The following ANKS1B variants were observed in gnomAD, a reference collection of about 807,000 sequenced individuals.
ANKS1B encodes the protein ankyrin repeat and sterile alpha motif domain containing 1B.
ANKS1B carries 36 observed loss-of-function variants against 148.3 expected under a neutral mutation model. That is an observed-to-expected ratio of 0.24 (90% CI 0.19 to 0.32). The LOEUF is 0.32. ANKS1B is among the 10% of genes least tolerant of loss of function. The pLI is 1.00. For synonymous variants in ANKS1B, 542 were observed against 560.8 expected (o/e 0.97, Z 0.47); for missense variants, 1,157 against 1,542.6 (o/e 0.75, Z 4.19).
intron 14 of ANKS1B, among the ~76,000 whole-genome samples, chr12:99,165,376 A>G (rs528996561): frequency 3.0e-4 from 45 of 152,044 alleles, no homozygotes; most frequent in Admixed American, 1.5e-3. Context: ...GTAAATCTCT[A>G]TTCAGGCTGA....
At chr12:99,217,981 A>G (rs1010595835) in intron 14 of ANKS1B, among the ~76,000 whole-genome samples, 1 of 152,156 alleles carries the variant, frequency 6.6e-6, no homozygotes, top group Admixed American at 6.6e-5. Context: ...TCTAAGCCCA[A>G]TGTTAAGACA....
At chr12:99,774,991 G>C (rs1161184468) in intron 7 of ANKS1B, among the ~76,000 whole-genome samples, 39 of 152,014 alleles carry the variant, frequency 2.6e-4, no homozygotes, top group Admixed American at 2.6e-3. Flanking sequence ...GCCAGGGGCT[G>C]GGGAGTGGAG....
chr12:98,786,843 A>C (rs1398564645), intron 22 of ANKS1B, among the ~76,000 whole-genome samples: 2 of 152,176 alleles, frequency 1.3e-5, no homozygotes, highest in African/African-American at 4.8e-5. Context: ...CCAACCCTTC[A>C]TTCTTACAAT....
intron 1 of ANKS1B, among the ~76,000 whole-genome samples, chr12:99,879,074 C>T (rs1233641471): frequency 6.6e-6 from 1 of 152,102 alleles, no homozygotes; most frequent in Non-Finnish European, 1.5e-5. Context: ...CTAGAAGCTG[C>T]GTGCATGTGG....
rs145660499 is a variant in ANKS1B, at chr12:98,833,967, C to T, written c.2779-1831G>A. Among the ~76,000 whole-genome samples the T allele has an allele frequency of 2.1e-4, 32 of 152,246 alleles. No individual in the cohort carries two copies. The East Asian group carries it at 2.3e-3, about 11-fold the overall frequency. Reference sequence around the variant, plus strand: ...CTGTGTAGTATTTCATCTACCTTGACTTTTTATTTGCCTATTTGTTGGTTA... The same window carrying T: ...CTGTGTAGTATTTCATCTACCTTGATTTTTTATTTGCCTATTTGTTGGTTA... On this transcript the variant is annotated intron_variant, in intron 17 of 26. Transcript: ENST00000683438.
rs2073923137 is a variant in ANKS1B at position 99,246,809 on chromosome 12, T to C, written c.1812A>G (p.Gln604=). The C allele has an allele frequency of 6.2e-7, 1 of 1,610,688 alleles. No homozygotes were observed. The highest frequency in any genetic ancestry group is 8.5e-7 in the Non-Finnish European group (1 of 1,179,190). The change falls in exon 13 of 27, where the codon CAA becomes CAG. Residue 604 remains glutamine, a synonymous_variant. Coordinates refer to ENST00000683438, the MANE Select transcript of ANKS1B (RefSeq NM_001352186.2). ...AGGATCCATGGAGCAGGCCTGCAAA[T>C]TGCCCAGGATCATATTCTTTTGGGG... The part of the protein sequence containing the change: ...NDPPKEYDPG[Q]FAGLLHGSSP...
chr12:99,029,631 T>C (rs2153457960), intron 17 of ANKS1B, among the ~76,000 whole-genome samples: 1 of 152,336 alleles, frequency 6.6e-6, no homozygotes, highest in Non-Finnish European at 1.5e-5. Flanking sequence ...CACAGGAAAC[T>C]AACAATGCAT....
chr12:99,261,415 G>A (rs1401918630), intron 12 of ANKS1B, among the ~76,000 whole-genome samples: 1 of 152,076 alleles, frequency 6.6e-6, no homozygotes, highest in Non-Finnish European at 1.5e-5. Flanking sequence ...TCCAGGGCTT[G>A]GCATACTGGG....
chr12:99,309,343 T>C (rs1602676863), intron 12 of ANKS1B, among the ~76,000 whole-genome samples: 2 of 152,034 alleles, frequency 1.3e-5, no homozygotes, highest in East Asian at 3.8e-4. Context: ...TATCTTAAGC[T>C]CCTACTGAGT....
intron 9 of ANKS1B, among the ~76,000 whole-genome samples, chr12:99,624,673 G>A (rs2098091502): frequency 6.6e-6 from 1 of 152,044 alleles, no homozygotes; most frequent in African/African-American, 2.4e-5. Flanking sequence ...AATCATCAGA[G>A]AAATGCAAAT....
intron 15 of ANKS1B, among the ~76,000 whole-genome samples, chr12:99,124,069 G>A (rs1012042293): frequency 6.6e-6 from 1 of 152,172 alleles, no homozygotes; most frequent in Admixed American, 6.5e-5. Context: ...TTTATTCTGA[G>A]TGAGACAGGA....
At chr12:99,424,791 G>C (rs1228023179) in intron 11 of ANKS1B, among the ~76,000 whole-genome samples, 2 of 151,828 alleles carry the variant, frequency 1.3e-5, no homozygotes, top group Non-Finnish European at 2.9e-5. Flanking sequence ...AATCCTTGTG[G>C]ATGAACCATA....
intron 4 of ANKS1B, among the ~76,000 whole-genome samples, chr12:99,795,118 T>C (rs922212193): frequency 7.2e-5 from 11 of 151,846 alleles, no homozygotes; most frequent in South Asian, 2.1e-4. Context: ...AGGAAGAAGA[T>C]AGAGGTAAAT....
At chr12:99,169,150 C>G (rs1401904134) in intron 14 of ANKS1B, among the ~76,000 whole-genome samples, 2 of 152,098 alleles carry the variant, frequency 1.3e-5, no homozygotes, top group Non-Finnish European at 2.9e-5. Flanking sequence ...TATCCATGTA[C>G]TTGTGGAATT....
intron 8 of ANKS1B, among the ~76,000 whole-genome samples, chr12:99,761,922 G>C (rs978614744): frequency 6.6e-6 from 1 of 151,830 alleles, no homozygotes; most frequent in South Asian, 2.1e-4. Context: ...GAGAACCACA[G>C]TAAGAATGCA....
chr12:98,886,052 A>C (rs1163960814), intron 17 of ANKS1B, among the ~76,000 whole-genome samples: 1 of 152,180 alleles, frequency 6.6e-6, no homozygotes, highest in Non-Finnish European at 1.5e-5. Flanking sequence ...GGAGAGAGAG[A>C]GAGCAACAAA....
chr12:99,346,471 G>GGTAT (rs1421935238), intron 12 of ANKS1B, among the ~76,000 whole-genome samples: 10 of 150,960 alleles, frequency 6.6e-5, no homozygotes, highest in Admixed American at 6.6e-4. Flanking sequence ...CAAATGGAGA[G>GGTAT]GTATGAAGCA....
intron 1 of ANKS1B, among the ~76,000 whole-genome samples, chr12:99,945,313 G>A (rs1274931691): frequency 6.6e-6 from 1 of 150,690 alleles, no homozygotes; most frequent in Non-Finnish European, 1.5e-5. Context: ...AGGTGCAAAG[G>A]CCCTGAAGTA....
At position 99,216,318 on chromosome 12, in the gene ANKS1B, TAC is replaced by T. The variant is rs1334587251; in HGVS notation, c.2419+28022_2419+28023del. ...TCATAGCAGTATGAAAATGGAGTCA[TAC>T]ACCCTGGGACCCTGGGCATATTACA... is the stretch of plus-strand genomic sequence containing the variant. On this transcript the variant is annotated intron_variant, in intron 14 of 26. Transcript: ENST00000683438. 5.1e-4 allele frequency among the ~76,000 whole-genome samples: 78 copies of T among 152,206 alleles called. 1 individual carries two copies. The highest frequency in any genetic ancestry group is 1.0e-3 in the Non-Finnish European group (68 of 68,040).
Sources: gnomAD v4.1 joint callset for allele counts (sites outside exome capture counted in the v4.1 genomes callset) on GRCh38, gnomAD v4.1.1 for gene constraint, MANE v1.5 for transcripts, NCBI Gene and HGNC (gene_info 2026-07-23, HGNC 2026-07-21) for gene names.